Variants in ERCC2 observed in about 807,000 individuals in gnomAD.
ERCC2 encodes the protein ERCC excision repair 2, TFIIH core complex helicase subunit.
A neutral mutation model predicts 99.4 loss-of-function variants in ERCC2; 90 were observed. That is an observed-to-expected ratio of 0.91 (90% CI 0.76 to 1.08). ERCC2 has a LOEUF of 1.08. Among genes scored for constraint, ERCC2 ranks in the 50% least tolerant of loss-of-function variants. The probability of loss-of-function intolerance (pLI) is 0.00; values close to 1 mark genes in which losing one functional copy is unlikely to be tolerated. For synonymous variants in ERCC2, 497 were observed against 432.4 expected (o/e 1.15, Z -1.85); for missense variants, 993 against 1,038.1 (o/e 0.96, Z 0.60).
At chr19:45,354,648 T>A (rs1028540860) in intron 17 of ERCC2, 82 bp downstream of exon 17, 4 of 1,554,238 alleles carry the variant, frequency 2.6e-6, no homozygotes, top group East Asian at 2.3e-5. Flanking sequence ...ACCATCAGAG[T>A]GTGAGAGGAA....
At chr19:45,356,015 G>A (rs1972000834) in intron 15 of ERCC2, among the ~76,000 whole-genome samples, 2 of 152,158 alleles carry the variant, frequency 1.3e-5, no homozygotes, top group South Asian at 4.1e-4. Flanking sequence ...CCTGTTATCT[G>A]CATTGCACAA....
In ERCC2 at chr19:45,351,026, G is replaced by GAC; in HGVS notation, c.*601_*602dup. On this transcript the variant is annotated 3_prime_UTR_variant, in exon 23 of 23. Coordinates refer to ENST00000391945, the MANE Select transcript of ERCC2 (RefSeq NM_000400.4). ...GGGCTCCTGGGACTCAGGTGAGGGG[G>GAC]ACATCTGGGTCAAAAATAGAGGAGG... is the stretch of plus-strand genomic sequence containing the variant. 1 of 1,614,110 alleles carries GAC rather than the reference G, an allele frequency of 6.2e-7. No homozygotes were observed. The highest frequency in any genetic ancestry group is 1.3e-5 in the African/African-American group (1 of 75,030).
chr19:45,370,324 G>C (rs936721960), intron 1 of ERCC2, 92 bp from the exon 2 acceptor site: 1 of 1,555,964 alleles, frequency 6.4e-7, no homozygotes, highest in South Asian at 1.2e-5. Context: ...GAAGGGTGAC[G>C]GGCCCGGCGC....
Position 45,350,186 on chromosome 19 carries a change from C to G in ERCC2, c.*1443G>C. 1 of 625,880 alleles carries G rather than the reference C, an allele frequency of 1.6e-6. No homozygotes were observed. The highest frequency in any genetic ancestry group is 2.8e-6 in the Non-Finnish European group (1 of 359,804). The allele number at this position is 625,880 out of a possible 1,614,324, so 38.8% of individuals were successfully genotyped here. A position where few individuals can be genotyped will look rare whatever the true frequency, so the allele number is the denominator to read the frequency against. ...CTTGTAACCCCAACACTTTGGGAGG[C>G]CAAGGCAGGAGGATCACTTGAGGCT... On this transcript the variant is annotated 3_prime_UTR_variant, in exon 23 of 23. Coordinates refer to ENST00000391945, the MANE Select transcript of ERCC2 (RefSeq NM_000400.4).
At chr19:45,359,839 A>G (rs574305959) in intron 12 of ERCC2, among the ~76,000 whole-genome samples, 1 of 148,522 alleles carries the variant, frequency 6.7e-6, no homozygotes, top group East Asian at 2.0e-4. Context: ...AGCTGGTGTG[A>G]TCTCGGCTCA....
Position 45,353,044 on chromosome 19 carries a change from T to TGGGAAGACACCTGGGG in ERCC2, c.1831+23_1831+38dup, listed in dbSNP as rs756900582. On this transcript the variant is annotated intron_variant, in intron 19 of 22. Coordinates refer to ENST00000391945, the MANE Select transcript of ERCC2 (RefSeq NM_000400.4). The stretch of plus-strand genomic sequence containing the variant: ...AGCGGGCAGGTGTTCCAGAGAGCTC[T>TGGGAAGACACCTGGGG]GGGAAGACACCTGGGGAGGAAGAGC... 3.1e-6 allele frequency: 5 copies of TGGGAAGACACCTGGGG among 1,594,070 alleles called. No homozygotes were observed. The East Asian group carries it at 8.9e-5, about 28-fold the overall frequency.
At position 45,357,731 on chromosome 19, in the gene ERCC2, A is replaced by AC. The variant is rs3916852; in HGVS notation, c.1238-33dup. The AC allele has an allele frequency of 1.6e-3, 2,529 of 1,594,154 alleles. 26 individuals are homozygous for AC. The African/African-American group carries it at 0.026, about 16-fold the overall frequency. The stretch of plus-strand genomic sequence containing the variant: ...AGGGCAGGCAAGGAGGGGTGAGATT[A>AC]CCCCACTACAGCCACAGCTGCACCC... On this transcript the variant is annotated intron_variant, in intron 12 of 22. Transcript: ENST00000391945.
Position 45,350,983 on chromosome 19 carries a change from T to A in ERCC2, c.*646A>T. On this transcript the variant is annotated 3_prime_UTR_variant, in exon 23 of 23. Coordinates refer to ENST00000391945, the MANE Select transcript of ERCC2 (RefSeq NM_000400.4). ...AAGAGAGCCATGTCACTCAACACACTGAACGTGGATGCTCCAAGGGCTCCT... is the reference window on the plus strand; with the variant it reads ...AAGAGAGCCATGTCACTCAACACACAGAACGTGGATGCTCCAAGGGCTCCT... 6.2e-7 allele frequency: 1 copy of A among 1,614,050 alleles called. No homozygotes were observed. The highest frequency in any genetic ancestry group is 8.5e-7 in the Non-Finnish European group (1 of 1,179,998).
chr19:45,362,055 A>G (rs1972243458), intron 11 of ERCC2: 1 of 229,970 alleles, frequency 4.3e-6, no homozygotes, highest in Non-Finnish European at 8.8e-6. Context: ...CCTCCCAAGT[A>G]GCTGGGATTA....
intron 22 of ERCC2, 85 bp from the exon 23 acceptor site, chr19:45,351,806 A>T: frequency 8.7e-7 from 1 of 1,155,906 alleles, no homozygotes; most frequent in East Asian, 2.3e-5. Flanking sequence ...CACCCCCCCG[A>T]ATGGCCAGTA....
chr19:45,365,240 T>A, intron 5 of ERCC2, 82 bp from the exon 6 acceptor site: 1 of 1,063,132 alleles, frequency 9.4e-7, no homozygotes, highest in Non-Finnish European at 1.5e-6. Context: ...ACCTCCCAGC[T>A]GGCTGGGGTT....
rs121913024 is a variant in ERCC2, at chr19:45,352,802, G to A, written c.1846C>T (p.Arg616Trp). The stretch of plus-strand genomic sequence containing the variant: ...GGGACGCCAAACATGATGACGGCCC[G>A]CCCGTAGTGGTGCACTGGTGGGCAG... ...EGIDFVHHYGRAVIMFGVPYV... is the reference protein window; with the variant it reads ...EGIDFVHHYGWAVIMFGVPYV... Residue 616 changes from arginine (R) to tryptophan (W), a missense_variant, in exon 20 of 23, where the codon CGG becomes TGG. Coordinates refer to ENST00000391945, the MANE Select transcript of ERCC2 (RefSeq NM_000400.4). 6.3e-5 allele frequency: 101 copies of A among 1,613,504 alleles called. No homozygotes were observed. The highest frequency in any genetic ancestry group is 8.8e-5 in the South Asian group (8 of 91,072).
chr19:45,359,573 T>C (rs1972137396), intron 12 of ERCC2, among the ~76,000 whole-genome samples: 6 of 152,180 alleles, frequency 3.9e-5, no homozygotes, highest in Admixed American at 3.9e-4. Flanking sequence ...CCTGAAAATC[T>C]GAACATCAGC....
rs765679315 is a variant in ERCC2 at position 45,365,092 on chromosome 19, G to C, written c.427C>G (p.Arg143Gly). The C allele has an allele frequency of 3.7e-5, 60 of 1,613,978 alleles. No homozygotes were observed. The highest frequency in any genetic ancestry group is 4.7e-5 in the Non-Finnish European group (55 of 1,180,000). The change falls in exon 6 of 23, where the codon CGG becomes GGG. Residue 143 changes from arginine (R) to glycine (G), a missense_variant. Transcript: ENST00000391945. ...KCHSLTASYV[R>G]AQYQHDTSLP... ...CTGGTGTCATGCTGGTACTGCGCCC[G>C]CACATAGGAGGCTGTGAGGCTGTGG...
At chr19:45,351,833 A>C (rs1971799262) in intron 22 of ERCC2, 112 bp from the exon 23 acceptor site, 2 of 938,674 alleles carry the variant, frequency 2.1e-6, no homozygotes, top group Non-Finnish European at 3.3e-6. Context: ...GGATGTTTGA[A>C]TGAATTTGGA....
Position 45,361,650 on chromosome 19 carries a change from G to A in ERCC2, c.1119-8C>T. ...AGGCGTTCAGCACAGAATCTGGCGG[G>A]GAGGAGAGACGGGGTCGGGGGGCAG... is the stretch of plus-strand genomic sequence containing the variant. On this transcript the variant is annotated splice_polypyrimidine_tract_variant and splice_region_variant and intron_variant, in intron 11 of 22. Coordinates refer to ENST00000391945, the MANE Select transcript of ERCC2 (RefSeq NM_000400.4). 2 of 1,604,382 alleles carry A rather than the reference G, an allele frequency of 1.2e-6. No homozygotes were observed. Among genetic ancestry groups the A allele is most frequent in the East Asian group, 2.2e-5 (1 of 44,830 alleles).
In ERCC2 at chr19:45,363,890, C is replaced by T. The variant is rs892942500; in HGVS notation, c.971G>A (p.Arg324His). The change falls in exon 11 of 23, where the codon CGC becomes CAC. Residue 324 changes from arginine (R) to histidine (H), a missense_variant. Arg to His is a conservative substitution (Grantham distance 29). Around this residue, in one of 3 missense-constraint regions of ERCC2, gnomAD observed 909 missense variants for 930.8 expected, o/e 0.98. Transcript: ENST00000391945. ...VLQEAVPGSIRTAEHFLGFLR... is the reference protein window; with the variant it reads ...VLQEAVPGSIHTAEHFLGFLR... ...GAAGCCCAGGAAATGCTCGGCCGTG[C>T]GGATGGAGCCAGGCACTGCCTCTGC... The T allele has an allele frequency of 3.9e-6, 6 of 1,548,478 alleles. No homozygotes were observed. In the African/African-American group the frequency reaches 6.8e-5, roughly 18 times the overall value.
rs528571783 is a variant in ERCC2 at position 45,361,425 on chromosome 19, C to T, written c.1237+99G>A. On this transcript the variant is annotated intron_variant, in intron 12 of 22. Coordinates refer to ENST00000391945, the MANE Select transcript of ERCC2 (RefSeq NM_000400.4). ...GCCCACACTTCCAAGCCAAACCCCA[C>T]AAAGCCCTGTGTGTCCTGCCAACAA... The T allele has an allele frequency of 6.0e-4, 534 of 883,772 alleles. 2 individuals carry two copies. The highest frequency in any genetic ancestry group is 5.5e-3 in the African/African-American group (333 of 60,922). 54.7% of individuals were successfully genotyped at this position (883,772 alleles called of 1,614,324 possible).
chr19:45,350,502 C>A lies in ERCC2; in HGVS notation c.*1127G>T, dbSNP rs370955866. On this transcript the variant is annotated 3_prime_UTR_variant, in exon 23 of 23. Coordinates refer to ENST00000391945, the MANE Select transcript of ERCC2 (RefSeq NM_000400.4). ...ATGTCCCCATCTCAGTGTCCCCCATCTTTCCCCCTAGGTGCCCCCAACACA... is the reference window on the plus strand; with the variant it reads ...ATGTCCCCATCTCAGTGTCCCCCATATTTCCCCCTAGGTGCCCCCAACACA... The A allele has an allele frequency of 4.3e-6, 7 of 1,613,912 alleles. No individual in the cohort carries two copies. Among genetic ancestry groups the A allele is most frequent in the Non-Finnish European group, 5.1e-6 (6 of 1,179,900 alleles).
Sources: gnomAD v4.1 joint callset for allele counts (sites outside exome capture counted in the v4.1 genomes callset) on GRCh38, gnomAD v4.1.1 for gene constraint, gnomAD v4.1.1 regional missense constraint, MANE v1.5 for transcripts, NCBI Gene and HGNC (gene_info 2026-07-23, HGNC 2026-07-21) for gene names.